DENND11: variants seen among roughly 807,000 people sequenced by gnomAD.
DENND11 encodes the protein DENN domain containing 11, also known as DENN domain-containing protein 11.
Under a neutral mutation model 49.2 loss-of-function variants are expected in DENND11, and 34 were observed. That is an observed-to-expected ratio of 0.69 (90% CI 0.53 to 0.92). DENND11 has a LOEUF of 0.92. Among genes scored for constraint, DENND11 ranks in the 40% least tolerant of loss-of-function variants. The pLI is 0.00. For synonymous variants in DENND11, 238 were observed against 230.3 expected (o/e 1.03, Z -0.30); for missense variants, 475 against 581.6 (o/e 0.82, Z 1.88).
At chr7:141,700,931 G>A (rs1270503053) in intron 1 of DENND11, among the ~76,000 whole-genome samples, 1 of 152,010 alleles carries the variant, frequency 6.6e-6, no homozygotes, top group Admixed American at 6.6e-5. Flanking sequence ...CAGCTGCCCT[G>A]GAGACATTGA....
chr7:141,681,784 G>A (rs1394611076), intron 3 of DENND11, among the ~76,000 whole-genome samples: 1 of 152,170 alleles, frequency 6.6e-6, no homozygotes, highest in East Asian at 1.9e-4. Context: ...CAGCAGGAAA[G>A]GTGTTCTAAA....
chr7:141,684,635 T>C (rs941439849), intron 3 of DENND11, among the ~76,000 whole-genome samples: 28 of 152,282 alleles, frequency 1.8e-4, no homozygotes, highest in Admixed American at 1.0e-3. Context: ...ATCACAATTA[T>C]GTTGCATAAA....
At chr7:141,676,898 C>A (rs1485985001) in intron 3 of DENND11, among the ~76,000 whole-genome samples, 1 of 152,118 alleles carries the variant, frequency 6.6e-6, no homozygotes, top group African/African-American at 2.4e-5. Flanking sequence ...TAGAGAATAA[C>A]CGGCTCAATA....
Position 141,696,998 on chromosome 7 carries a change from G to A in DENND11, c.268+4888C>T, listed in dbSNP as rs1050391898. Among the ~76,000 whole-genome samples, 5 of 152,194 alleles carry A rather than the reference G, an allele frequency of 3.3e-5. No individual in the cohort carries two copies. The South Asian group carries it at 6.2e-4, about 19-fold the overall frequency. Reference sequence around the variant, plus strand: ...TAAAGTCAGCTATATGCCAATCCATGGCTGAATTCCAATGCATTCACTTTA... The same window carrying A: ...TAAAGTCAGCTATATGCCAATCCATAGCTGAATTCCAATGCATTCACTTTA... On this transcript the variant is annotated intron_variant, in intron 1 of 8. Coordinates refer to ENST00000536163, the MANE Select transcript of DENND11 (RefSeq NM_001080392.2).
In DENND11 at chr7:141,659,406, T is replaced by C. The variant is rs1165715479; in HGVS notation, c.*3250A>G. ...TTTTAGTCTGGTAGGGGATAAGCCCTACCATTTCAAACTCCTTGTGGAGAG... is the reference window on the plus strand; with the variant it reads ...TTTTAGTCTGGTAGGGGATAAGCCCCACCATTTCAAACTCCTTGTGGAGAG... On this transcript the variant is annotated 3_prime_UTR_variant, in exon 9 of 9. Coordinates refer to ENST00000536163, the MANE Select transcript of DENND11 (RefSeq NM_001080392.2). 1 of 152,230 alleles carries C rather than the reference T, an allele frequency of 6.6e-6. No individual in the cohort carries two copies. The allele number at this position is 152,230 out of a possible 1,614,324, so 9.4% of individuals were successfully genotyped here.
rs1316754616 is a variant in DENND11, at chr7:141,701,930, T to G, written c.224A>C (p.Asp75Ala). 1 of 1,207,994 alleles carries G rather than the reference T, an allele frequency of 8.3e-7. No homozygotes were observed. The highest frequency in any genetic ancestry group is 1.0e-6 in the Non-Finnish European group (1 of 972,644). The allele number at this position is 1,207,994 out of a possible 1,614,324, so 74.8% of individuals were successfully genotyped here. Residue 75 changes from aspartate to alanine, a missense_variant, in exon 1 of 9, where the codon GAC becomes GCC. By Grantham distance (126) the Asp-to-Ala change is moderately radical. Coordinates refer to ENST00000536163, the MANE Select transcript of DENND11 (RefSeq NM_001080392.2). ...GACCACGAACACGGCCACCACCTGG[T>G]CCTCCTCCACGTCGCCCAGCTCCAG... ...GRLELGDVEEDQVVAVFVVTF... is the reference protein window; with the variant it reads ...GRLELGDVEEAQVVAVFVVTF...
chr7:141,662,792 T>A lies in DENND11; in HGVS notation c.1232A>T (p.Gln411Leu), dbSNP rs750274765. 16 of 1,601,856 alleles carry A rather than the reference T, an allele frequency of 1.0e-5. No individual in the cohort carries two copies. The highest frequency in any genetic ancestry group is 1.2e-5 in the Non-Finnish European group (14 of 1,173,934). Residue 411 changes from glutamine (Q) to leucine (L), a missense_variant, in exon 9 of 9, where the codon CAA becomes CTA. Gln to Leu is a moderately radical substitution (Grantham distance 113). Transcript: ENST00000536163. Reference sequence around the variant, plus strand: ...ATGCTCTGCTGTCAGAGTTTTGTCTTGACTGGCAGACACCTCCAACAAAGT... The same window carrying A: ...ATGCTCTGCTGTCAGAGTTTTGTCTAGACTGGCAGACACCTCCAACAAAGT... Reference protein sequence around the residue: ...FQTLLEVSASQDKTLTAEHAR... With the variant: ...FQTLLEVSASLDKTLTAEHAR...
intron 3 of DENND11, among the ~76,000 whole-genome samples, chr7:141,677,928 T>C (rs1241895398): frequency 6.6e-6 from 1 of 152,170 alleles, no homozygotes; most frequent in Non-Finnish European, 1.5e-5. Flanking sequence ...TATACCAAGT[T>C]ACAAAATTTA....
intron 4 of DENND11, among the ~76,000 whole-genome samples, chr7:141,673,066 T>C (rs1235877992): frequency 6.6e-6 from 1 of 152,216 alleles, no homozygotes; most frequent in African/African-American, 2.4e-5. Flanking sequence ...TGAACTTGTC[T>C]TGCATTTTTC....
chr7:141,658,249 TCA>T lies in DENND11; in HGVS notation c.*4405_*4406del, dbSNP rs1337475785. The T allele has an allele frequency of 6.6e-6, 1 of 152,176 alleles. No homozygotes were observed. Among genetic ancestry groups the T allele is most frequent in the East Asian group, 1.9e-4 (1 of 5,202 alleles). 9.4% of individuals were successfully genotyped at this position (152,176 alleles called of 1,614,324 possible). ...CTTATAAGAAAAACATTAACTTAAT[TCA>T]CAGTTAGCCTTTTCCCACAACACTC... On this transcript the variant is annotated 3_prime_UTR_variant, in exon 9 of 9. Coordinates refer to ENST00000536163, the MANE Select transcript of DENND11 (RefSeq NM_001080392.2).
chr7:141,658,944 C>A lies in DENND11; in HGVS notation c.*3712G>T, dbSNP rs1295775429. The stretch of plus-strand genomic sequence containing the variant: ...GAGAGCAAATTCATCCTCATAGCCA[C>A]CAGAAGGAAAAACAATGATTTAGCT... On this transcript the variant is annotated 3_prime_UTR_variant, in exon 9 of 9. Coordinates refer to ENST00000536163, the MANE Select transcript of DENND11 (RefSeq NM_001080392.2). 1 of 152,462 alleles carries A rather than the reference C, an allele frequency of 6.6e-6. No homozygotes were observed. Among genetic ancestry groups the A allele is most frequent in the African/African-American group, 2.4e-5 (1 of 41,396 alleles). The allele number at this position is 152,462 out of a possible 1,614,324, so 9.4% of individuals were successfully genotyped here. A position where few individuals can be genotyped will look rare whatever the true frequency, so the allele number is the denominator to read the frequency against.
chr7:141,694,521 A>G (rs1301018345), intron 1 of DENND11, among the ~76,000 whole-genome samples: 1 of 152,204 alleles, frequency 6.6e-6, no homozygotes, highest in African/African-American at 2.4e-5. Context: ...TCTGTCTTCC[A>G]AAGTGTTGGT....
At chr7:141,678,888 C>T (rs189762293) in intron 3 of DENND11, among the ~76,000 whole-genome samples, 23 of 152,300 alleles carry the variant, frequency 1.5e-4, no homozygotes, top group Non-Finnish European at 2.9e-5. Flanking sequence ...TATTCAATAA[C>T]AGTCCCTCTT....
chr7:141,701,926 C>CTGG lies in DENND11; in HGVS notation c.225_227dup (p.Asp75_Gln76insHis), dbSNP rs1442339876. Reference sequence around the variant, plus strand: ...AGGTGACCACGAACACGGCCACCACCTGGTCCTCCTCCACGTCGCCCAGCT... The same window carrying CTGG: ...AGGTGACCACGAACACGGCCACCACCTGGTGGTCCTCCTCCACGTCGCCCAGCT... On this transcript the variant is annotated inframe_insertion, in exon 1 of 9. Transcript: ENST00000536163. 8.3e-7 allele frequency: 1 copy of CTGG among 1,211,598 alleles called. No individual in the cohort carries two copies. 75.1% of individuals were successfully genotyped at this position (1,211,598 alleles called of 1,614,324 possible).
chr7:141,695,275 T>C (rs1798395796), intron 1 of DENND11, among the ~76,000 whole-genome samples: 1 of 152,094 alleles, frequency 6.6e-6, no homozygotes, highest in South Asian at 2.1e-4. Flanking sequence ...GTGAAAGACA[T>C]ACAGGTTTTC....
intron 1 of DENND11, 39 bp from the exon 2 acceptor site, chr7:141,686,697 T>A (rs1798249052): frequency 1.4e-6 from 2 of 1,443,642 alleles, no homozygotes; most frequent in Admixed American, 3.7e-5. Context: ...AGAAACAACA[T>A]CATTCAAAGA....
In DENND11 at chr7:141,662,806, C is replaced by G; in HGVS notation, c.1218G>C (p.Glu406Asp). 6.3e-7 allele frequency: 1 copy of G among 1,592,814 alleles called. No individual in the cohort carries two copies. Among genetic ancestry groups the G allele is most frequent in the Non-Finnish European group, 8.6e-7 (1 of 1,169,154 alleles). Residue 406 changes from glutamate to aspartate, a missense_variant, in exon 9 of 9, where the codon GAG becomes GAC. Coordinates refer to ENST00000536163, the MANE Select transcript of DENND11 (RefSeq NM_001080392.2). Reference protein sequence around the residue: ...QNNRIFQTLLEVSASQDKTLT... With the variant: ...QNNRIFQTLLDVSASQDKTLT... ...GAGTTTTGTCTTGACTGGCAGACACCTCCAACAAAGTCTGAAATATCCGGT... is the reference window on the plus strand; with the variant it reads ...GAGTTTTGTCTTGACTGGCAGACACGTCCAACAAAGTCTGAAATATCCGGT...
chr7:141,686,996 C>T (rs1798254156), intron 1 of DENND11, among the ~76,000 whole-genome samples: 2 of 152,214 alleles, frequency 1.3e-5, no homozygotes, highest in African/African-American at 4.8e-5. Context: ...CTTCCACCCT[C>T]ATTTCCTTAT....
intron 1 of DENND11, among the ~76,000 whole-genome samples, chr7:141,694,337 T>G (rs1312797778): frequency 6.6e-6 from 1 of 151,970 alleles, no homozygotes; most frequent in Non-Finnish European, 1.5e-5. Flanking sequence ...CATAGCTCAC[T>G]ATAACCTCTA....
Sources: gnomAD v4.1 joint callset for allele counts (sites outside exome capture counted in the v4.1 genomes callset) on GRCh38, gnomAD v4.1.1 for gene constraint, MANE v1.5 for transcripts, NCBI Gene and HGNC (gene_info 2026-07-23, HGNC 2026-07-21) for gene names.